Variants in KLF13 observed in about 807,000 individuals in gnomAD.
KLF13 encodes KLF transcription factor 13.
A neutral mutation model predicts 16.7 loss-of-function variants in KLF13; 8 were observed. The ratio of observed to expected loss-of-function variants is 0.48; its 90% CI spans 0.28 to 0.87. The LOEUF (loss-of-function observed/expected upper bound fraction) is 0.87, where lower values mean the gene tolerates loss of function less well. Among genes scored for constraint, KLF13 ranks in the 40% least tolerant of loss-of-function variants. The pLI, the probability that KLF13 is intolerant of heterozygous loss-of-function variation, is 0.10. For synonymous variants in KLF13, 245 were observed against 208.4 expected, an observed-to-expected ratio of 1.18 and a Z score of -1.51; for missense variants, 447 against 452.2, an observed-to-expected ratio of 0.99 and a Z score of 0.10.
intron 1 of KLF13, among the ~76,000 whole-genome samples, chr15:31,346,249 C>T (rs1487377684): frequency 6.6e-6 from 1 of 152,216 alleles, no homozygotes; most frequent in Non-Finnish European, 1.5e-5. Context: ...ACAGCCTTCT[C>T]CCCCGACCTC....
At chr15:31,378,495 G>A (rs1349878902), downstream of KLF13, among the ~76,000 whole-genome samples, 2 of 152,318 alleles carry the variant, frequency 1.3e-5, 1 homozygote, top group East Asian at 3.9e-4. Context: ...GCCCCTGGCT[G>A]TCCCCAGGGC....
At chr15:31,389,876 C>T (rs763858458), upstream of KLF13, among the ~76,000 whole-genome samples, 2 of 152,162 alleles carry the variant, frequency 1.3e-5, no homozygotes, top group African/African-American at 4.8e-5. Context: ...GTCATCAACA[C>T]CACCACCACC....
intron 2 of KLF13, among the ~76,000 whole-genome samples, chr15:31,394,451 C>CCCT (rs2039925746): frequency 6.6e-6 from 1 of 151,530 alleles, no homozygotes; most frequent in Admixed American, 6.6e-5. Context: ...TGGGCCACTG[C>CCCT]CCTCCAGCCT....
At chr15:31,349,130 G>A (rs1229681909) in intron 1 of KLF13, among the ~76,000 whole-genome samples, 2 of 152,196 alleles carry the variant, frequency 1.3e-5, no homozygotes, top group African/African-American at 4.8e-5. Context: ...GAAGGCAGAT[G>A]GCGAGGTAGG....
intron 1 of KLF13, chr15:31,420,627 C>A (rs1429958646): frequency 2.4e-5 from 10 of 409,500 alleles, no homozygotes; most frequent in Non-Finnish European, 1.8e-5. Flanking sequence ...TTCAAGAAAC[C>A]TATTCAAAGC....
chr15:31,363,222 A>G (rs192786126), intron 1 of KLF13, among the ~76,000 whole-genome samples: 7 of 152,362 alleles, frequency 4.6e-5, no homozygotes, highest in Admixed American at 4.6e-4. Context: ...CTCATCTGCC[A>G]TTAGCTCCTG....
At chr15:31,356,780 G>A (rs1371558734) in intron 1 of KLF13, among the ~76,000 whole-genome samples, 1 of 152,232 alleles carries the variant, frequency 6.6e-6, no homozygotes, top group Admixed American at 6.5e-5. Context: ...GATTCTGGCT[G>A]TGTGCACCTC....
In KLF13 at chr15:31,342,953, C is replaced by A. The variant is rs544137379; in HGVS notation, c.577+15164C>A. ...AGCATGGCCTTCCTCGCTCTCCCGG[C>A]GTCTGATTGCTCCGTGGACACTTGT... On this transcript the variant is annotated intron_variant, in intron 1 of 1. Transcript: ENST00000307145. Among the ~76,000 whole-genome samples, 5 of 152,350 alleles carry A rather than the reference C, an allele frequency of 3.3e-5. No individual in the cohort carries two copies. The South Asian group carries it at 1.0e-3, about 32-fold the overall frequency.
intron 1 of KLF13, among the ~76,000 whole-genome samples, chr15:31,358,296 G>T (rs752549195): frequency 1.2e-4 from 18 of 152,198 alleles, no homozygotes; most frequent in Admixed American, 4.6e-4. Flanking sequence ...GTACAGTTGC[G>T]ATTGTCTGCA....
intron 1 of KLF13, among the ~76,000 whole-genome samples, chr15:31,330,899 G>A (rs2038819193): frequency 6.6e-6 from 1 of 152,242 alleles, no homozygotes; most frequent in Admixed American, 6.5e-5. Flanking sequence ...AAGACCAGGA[G>A]CAGATTTTCT....
intron 1 of KLF13, chr15:31,420,173 A>T: frequency 1.8e-6 from 1 of 540,702 alleles, no homozygotes; most frequent in Non-Finnish European, 3.5e-6. Context: ...TGTCGTCGCC[A>T]CCCATAAAAG....
chr15:31,411,459 G>C (rs896524168), intron 1 of KLF13, among the ~76,000 whole-genome samples: 4 of 149,920 alleles, frequency 2.7e-5, no homozygotes, highest in Admixed American at 2.0e-4. Context: ...GCAGTGGCGC[G>C]ATCTTGGCTC....
At chr15:31,337,007 G>A (rs1473929372) in intron 1 of KLF13, among the ~76,000 whole-genome samples, 1 of 152,204 alleles carries the variant, frequency 6.6e-6, no homozygotes, top group Admixed American at 6.5e-5. Context: ...TGAGCATTTG[G>A]CAGGCTCTCC....
At chr15:31,420,178 T>C (rs1595511400) in intron 1 of KLF13, 1 of 552,786 alleles carries the variant, frequency 1.8e-6, no homozygotes, top group East Asian at 4.4e-5. Context: ...TCGCCACCCA[T>C]AAAAGAGCCG....
At chr15:31,431,126 A>T (rs191765218) in intron 1 of KLF13, among the ~76,000 whole-genome samples, 81 of 152,282 alleles carry the variant, frequency 5.3e-4, no homozygotes, top group Middle Eastern at 3.4e-3. Flanking sequence ...GAGACACAAA[A>T]GAGCTTGCTG....
chr15:31,406,003 G>A (rs948538919), downstream of KLF13, among the ~76,000 whole-genome samples: 1 of 152,144 alleles, frequency 6.6e-6, no homozygotes, highest in Non-Finnish European at 1.5e-5. Flanking sequence ...CTAGAGAAAG[G>A]ACAAATCAGG....
At chr15:31,405,887 C>T (rs142055537), downstream of KLF13, among the ~76,000 whole-genome samples, 1 of 152,204 alleles carries the variant, frequency 6.6e-6, no homozygotes, top group East Asian at 1.9e-4. Context: ...TAACAGTTGT[C>T]CCTGGAAGAA....
chr15:31,378,302 C>T (rs1356563494), downstream of KLF13, among the ~76,000 whole-genome samples: 1 of 152,188 alleles, frequency 6.6e-6, no homozygotes, highest in African/African-American at 2.4e-5. Context: ...GCTTGCCTCA[C>T]CCCTCAGCCT....
chr15:31,422,879 CA>C (rs915382140), intron 1 of KLF13, among the ~76,000 whole-genome samples: 18 of 150,802 alleles, frequency 1.2e-4, no homozygotes, highest in Non-Finnish European at 2.7e-4. Context: ...TACAAAAATA[CA>C]AAAAAAATTA....
Sources: gnomAD v4.1 joint callset for allele counts (sites outside exome capture counted in the v4.1 genomes callset) on GRCh38, gnomAD v4.1.1 for gene constraint, MANE v1.5 for transcripts, NCBI Gene and HGNC (gene_info 2026-07-23, HGNC 2026-07-21) for gene names.